RNF8: variants seen among roughly 807,000 people sequenced by gnomAD.
The protein encoded by RNF8 is ring finger protein 8.
Under a neutral mutation model 59.3 loss-of-function variants are expected in RNF8, and 8 were observed. The observed-to-expected ratio is 0.13, with a 90% confidence interval of 0.08 to 0.24. RNF8 has a LOEUF of 0.24. Among genes scored for constraint, RNF8 ranks in the 10% least tolerant of loss-of-function variants. RNF8 has a pLI of 1.00. For missense variants in RNF8, 406 were observed against 572.6 expected, an observed-to-expected ratio of 0.71 and a Z score of 2.97; for synonymous variants, 162 against 200.0, an observed-to-expected ratio of 0.81 and a Z score of 1.60.
Position 37,392,099 on chromosome 6 carries a change from T to G in RNF8, c.*1341T>G, listed in dbSNP as rs944544989. ...TTTCCATTCTTCTGCCCATGATTAC[T>G]GATCAAAATACTGGTAGAGTCATGG... On this transcript the variant is annotated 3_prime_UTR_variant, in exon 8 of 8. Coordinates refer to ENST00000373479, the MANE Select transcript of RNF8 (RefSeq NM_003958.4). The G allele has an allele frequency of 1.1e-4, 19 of 180,922 alleles. No homozygotes were observed. Among genetic ancestry groups the G allele is most frequent in the Non-Finnish European group, 2.2e-4 (19 of 87,876 alleles). 11.2% of individuals were successfully genotyped at this position (180,922 alleles called of 1,614,324 possible).
At chr6:37,368,358 C>G in intron 2 of RNF8, 126 bp from the exon 3 acceptor site, 1 of 1,600,810 alleles carries the variant, frequency 6.2e-7, no homozygotes. Flanking sequence ...ATGAATCTTT[C>G]TTTTCTATTT....
At chr6:37,374,559 T>C in intron 4 of RNF8, 61 bp from the exon 5 acceptor site, 1 of 1,262,068 alleles carries the variant, frequency 7.9e-7, no homozygotes, top group Non-Finnish European at 1.2e-6. Context: ...GGCATGTTTG[T>C]GGCTAAAAGG....
At chr6:37,386,353 T>C (rs1041222455) in intron 7 of RNF8, among the ~76,000 whole-genome samples, 6 of 152,098 alleles carry the variant, frequency 3.9e-5, no homozygotes, top group Non-Finnish European at 8.8e-5. Flanking sequence ...CATCTGGAGG[T>C]CAAAAGGCTG....
At chr6:37,374,779 G>A (rs1267681390) in intron 5 of RNF8, 70 bp downstream of exon 5, 4 of 1,074,296 alleles carry the variant, frequency 3.7e-6, no homozygotes, top group Non-Finnish European at 5.6e-6. Context: ...ACAGTGCAAG[G>A]GTTGCTAGGG....
At chr6:37,363,844 G>A (rs1056946422) in intron 2 of RNF8, among the ~76,000 whole-genome samples, 2 of 152,180 alleles carry the variant, frequency 1.3e-5, no homozygotes, top group East Asian at 1.9e-4. Context: ...GAATATGAAT[G>A]AACTACTATA....
chr6:37,373,877 C>T (rs1349735862), intron 4 of RNF8, among the ~76,000 whole-genome samples: 1 of 152,156 alleles, frequency 6.6e-6, no homozygotes, highest in Non-Finnish European at 1.5e-5. Flanking sequence ...TACCTTTACT[C>T]CACCTTCTTT....
intron 1 of RNF8, among the ~76,000 whole-genome samples, chr6:37,358,063 A>G (rs772379428): frequency 7.2e-5 from 11 of 152,244 alleles, no homozygotes; most frequent in Non-Finnish European, 1.6e-4. Flanking sequence ...GAGTAGGCTT[A>G]TGAGTAGCTG....
rs562539724 is a variant in RNF8 at position 37,388,973 on chromosome 6, C to T, written c.1442-1769C>T. Among the ~76,000 whole-genome samples the T allele has an allele frequency of 1.5e-4, 23 of 151,818 alleles. No individual in the cohort carries two copies. In the South Asian group the frequency reaches 4.8e-3, roughly 32 times the overall value. ...AGACATTACATGGTGTCCTTTGAGC[C>T]TTCCTGGCCACACTCTTGTCTAGGG... is the stretch of plus-strand genomic sequence containing the variant. On this transcript the variant is annotated intron_variant, in intron 7 of 7. Coordinates refer to ENST00000373479, the MANE Select transcript of RNF8 (RefSeq NM_003958.4).
intron 2 of RNF8, among the ~76,000 whole-genome samples, chr6:37,363,954 C>T (rs375837164): frequency 2.0e-5 from 3 of 152,046 alleles, no homozygotes; most frequent in Non-Finnish European, 4.4e-5. Flanking sequence ...CCGAGGCGGG[C>T]GGATCACGAG....
rs1020170481 is a variant in RNF8 at position 37,363,895 on chromosome 6, G to A, written c.240+3321G>A. Reference sequence around the variant, plus strand: ...AAACCTCACATAATATTGAGTGAAAGAAGGCTGGGCGCTGTGGCTCACGCC... The same window carrying A: ...AAACCTCACATAATATTGAGTGAAAAAAGGCTGGGCGCTGTGGCTCACGCC... On this transcript the variant is annotated intron_variant, in intron 2 of 7. Coordinates refer to ENST00000373479, the MANE Select transcript of RNF8 (RefSeq NM_003958.4). Among the ~76,000 whole-genome samples, 3 of 152,138 alleles carry A rather than the reference G, an allele frequency of 2.0e-5. No homozygotes were observed. In the East Asian group the frequency reaches 5.8e-4, roughly 29 times the overall value.
intron 4 of RNF8, among the ~76,000 whole-genome samples, chr6:37,372,286 G>A (rs923514822): frequency 2.6e-5 from 4 of 152,042 alleles, no homozygotes; most frequent in African/African-American, 9.7e-5. Flanking sequence ...ATTTGTTCAG[G>A]GGAATTTATC....
intron 7 of RNF8, among the ~76,000 whole-genome samples, chr6:37,390,155 C>G (rs1427250548): frequency 6.6e-6 from 1 of 152,232 alleles, no homozygotes; most frequent in Non-Finnish European, 1.5e-5. Flanking sequence ...TCTTTAACAT[C>G]TTTAACAGAT....
intron 3 of RNF8, chr6:37,370,191 A>G (rs1009999168): frequency 6.6e-6 from 1 of 152,172 alleles, no homozygotes; most frequent in Non-Finnish European, 1.5e-5. Flanking sequence ...CTTATTTCTG[A>G]GCAATTTATA....
intron 6 of RNF8, among the ~76,000 whole-genome samples, chr6:37,380,461 G>A (rs1265453312): frequency 6.6e-6 from 1 of 151,990 alleles, no homozygotes; most frequent in Non-Finnish European, 1.5e-5. Flanking sequence ...ACGAGGTCAG[G>A]AGATCGAGAC....
chr6:37,389,115 T>C (rs1302457148), intron 7 of RNF8, among the ~76,000 whole-genome samples: 1 of 152,208 alleles, frequency 6.6e-6, no homozygotes, highest in Admixed American at 6.5e-5. Context: ...GCAGGAATTT[T>C]ATCTTTCTCC....
rs1260197446 is a variant in RNF8 at position 37,367,243 on chromosome 6, A to C, written c.241-1241A>C. 3.9e-5 allele frequency among the ~76,000 whole-genome samples: 6 copies of C among 152,190 alleles called. 1 individual carries two copies. Among genetic ancestry groups the C allele is most frequent in the Admixed American group, 2.6e-4 (4 of 15,284 alleles). ...GAGACTTATTTTCCTCCATTTTATC[A>C]GTGCAGTAACTGGGCCATAAAGAGG... On this transcript the variant is annotated intron_variant, in intron 2 of 7. Coordinates refer to ENST00000373479, the MANE Select transcript of RNF8 (RefSeq NM_003958.4).
rs369963575 is a variant in RNF8, at chr6:37,369,457, G to A, written c.975+239G>A. On this transcript the variant is annotated intron_variant, in intron 3 of 7. Transcript: ENST00000373479. ...TTAGAGTGCCAAGATAGGGTAAAGT[G>A]ACCAGCAGAGCCAGCCAGGGCATAA... Among the ~76,000 whole-genome samples the A allele has an allele frequency of 3.5e-4, 54 of 152,338 alleles. No homozygotes were observed. In the South Asian group the frequency reaches 0.011, roughly 30 times the overall value.
At chr6:37,384,772 A>G (rs181841588) in intron 7 of RNF8, among the ~76,000 whole-genome samples, 52 of 152,306 alleles carry the variant, frequency 3.4e-4, no homozygotes, top group South Asian at 1.0e-3. Context: ...AGCCTTTTAA[A>G]GGGATGTTTG....
rs373252808 is a variant in RNF8, at chr6:37,360,460, A to G, written c.126A>G (p.Arg42=). ...TTGTCTCCCAGGTGACTGTAGGACG[A>G]GGATTTGGTGTCACATACCAACTGG... is the stretch of plus-strand genomic sequence containing the variant. ...LEDGCEVTVG[R]GFGVTYQLVS... The change falls in exon 2 of 8, where the codon CGA becomes CGG. Residue 42 remains arginine, a synonymous_variant. Transcript: ENST00000373479. This position sits in a 1 kb window ranked among gnomAD's most constrained non-coding sequence, Gnocchi z 4.2. 9 of 1,613,978 alleles carry G rather than the reference A, an allele frequency of 5.6e-6. No individual in the cohort carries two copies. Among genetic ancestry groups the G allele is most frequent in the Non-Finnish European group, 7.6e-6 (9 of 1,179,920 alleles).
Sources: gnomAD v4.1 joint callset for allele counts (sites outside exome capture counted in the v4.1 genomes callset) on GRCh38, gnomAD v4.1.1 for gene constraint, Gnocchi (gnomAD v3.1) non-coding constraint, MANE v1.5 for transcripts, NCBI Gene and HGNC (gene_info 2026-07-23, HGNC 2026-07-21) for gene names.